The following KCNQ1 variants were observed in gnomAD, a reference collection of about 807,000 sequenced individuals.
KCNQ1 encodes potassium voltage-gated channel subfamily KQT member 1.
A neutral mutation model predicts 72.4 loss-of-function variants in KCNQ1; 49 were observed. That is an observed-to-expected ratio of 0.68 (90% CI 0.54 to 0.86). KCNQ1 has a LOEUF of 0.86. Ranked by LOEUF, KCNQ1 falls within the 40% of genes least tolerant of loss-of-function variation. The pLI is 0.00. For synonymous variants in KCNQ1, 450 were observed against 412.6 expected (o/e 1.09, Z -1.10); for missense variants, 790 against 945.1 (o/e 0.84, Z 2.15).
chr11:2,777,081 C>T, intron 14 of KCNQ1, 49 bp downstream of exon 14: 4 of 1,561,862 alleles, frequency 2.6e-6, no homozygotes, highest in Non-Finnish European at 3.5e-6. Flanking sequence ...GCAATGGACT[C>T]TCCCGCACCT....
At chr11:2,699,527 GCTGAGGAGGCC>G (rs1850741070) in intron 11 of KCNQ1, 1 of 335,504 alleles carries the variant, frequency 3.0e-6, no homozygotes, top group East Asian at 5.2e-5. Context: ...AGAGTGCCGC[GCTGAGGAGGCC>G]CAGGGAGGAC....
At position 2,670,300 on chromosome 11, in the gene KCNQ1, A is replaced by G. The variant is rs966413640; in HGVS notation, c.1514+8219A>G. ...TCTCTAGGCAACCCATAGGTGCCCA[A>G]TGGAGAGATAATCTCAAATATGGTA... is the stretch of plus-strand genomic sequence containing the variant. On this transcript the variant is annotated intron_variant, in intron 11 of 15. Transcript: ENST00000155840. The surrounding 1 kb of genome is among the most constrained non-coding windows in gnomAD (Gnocchi z 4.9). 1.6e-4 allele frequency: 64 copies of G among 398,610 alleles called. No homozygotes were observed. The highest frequency in any genetic ancestry group is 9.4e-4 in the African/African-American group (46 of 48,742). 24.7% of individuals were successfully genotyped at this position (398,610 alleles called of 1,614,324 possible). A position where few individuals can be genotyped will look rare whatever the true frequency, so the allele number is the denominator to read the frequency against.
At chr11:2,460,696 T>TTGTGGGGC (rs1846264878) in intron 1 of KCNQ1, among the ~76,000 whole-genome samples, 1 of 152,170 alleles carries the variant, frequency 6.6e-6, no homozygotes, top group Admixed American at 6.5e-5. Context: ...GACTCCGCTC[T>TTGTGGGGC]TGTGGGGCAG....
rs531870130 is a variant in KCNQ1 at position 2,653,898 on chromosome 11, G to A, written c.1394-8063G>A. 16 of 398,724 alleles carry A rather than the reference G, an allele frequency of 4.0e-5. No homozygotes were observed. The highest frequency in any genetic ancestry group is 3.1e-4 in the African/African-American group (15 of 48,766). The allele number at this position is 398,724 out of a possible 1,614,324, so 24.7% of individuals were successfully genotyped here. A position where few individuals can be genotyped will look rare whatever the true frequency, so the allele number is the denominator to read the frequency against. On this transcript the variant is annotated intron_variant, in intron 10 of 15. Coordinates refer to ENST00000155840, the MANE Select transcript of KCNQ1 (RefSeq NM_000218.3). This position sits in a 1 kb window ranked among gnomAD's most constrained non-coding sequence, Gnocchi z 5.3. ...GGGAAAGGAAGAGCCCCCTAAGGAAGATTTGAGAAGCTGTTCCCAGAAGCC... is the reference window on the plus strand; with the variant it reads ...GGGAAAGGAAGAGCCCCCTAAGGAAAATTTGAGAAGCTGTTCCCAGAAGCC...
intron 10 of KCNQ1, chr11:2,622,282 A>G (rs1215369678): frequency 2.5e-6 from 1 of 398,130 alleles, no homozygotes; most frequent in East Asian, 3.6e-5. Context: ...GTAATTTTCC[A>G]TTTTCTCAGT....
At position 2,445,288 on chromosome 11, in the gene KCNQ1, C is replaced by T. The variant is rs1554958062; in HGVS notation, c.190C>T (p.Pro64Ser). 1 of 1,350,792 alleles carries T rather than the reference C, an allele frequency of 7.4e-7. No homozygotes were observed. Among genetic ancestry groups the T allele is most frequent in the South Asian group, 1.9e-5 (1 of 53,712 alleles). The allele number at this position is 1,350,792 out of a possible 1,614,324, so 83.7% of individuals were successfully genotyped here. The stretch of plus-strand genomic sequence containing the variant: ...GCCCGGCGCCCCAGGTCCCGCGCCC[C>T]CTGCGTCCCCGGCCGCGCCCGCCGC... ...IAPGAPGPAP[P>S]ASPAAPAAPP... The change falls in exon 1 of 16, where the codon CCT becomes TCT. Residue 64 changes from proline (P) to serine (S), a missense_variant. Physicochemically the swap from Pro to Ser is moderately conservative, Grantham distance 74. Around this residue, in one of 5 missense-constraint regions of KCNQ1, gnomAD observed 294 missense variants for 323.3 expected, o/e 0.91. Coordinates refer to ENST00000155840, the MANE Select transcript of KCNQ1 (RefSeq NM_000218.3).
In KCNQ1 at chr11:2,659,730, C is replaced by T. The variant is rs1184845164; in HGVS notation, c.1394-2231C>T. 6 of 398,290 alleles carry T rather than the reference C, an allele frequency of 1.5e-5. No individual in the cohort carries two copies. The highest frequency in any genetic ancestry group is 8.8e-5 in the Admixed American group (2 of 22,716). The allele number at this position is 398,290 out of a possible 1,614,324, so 24.7% of individuals were successfully genotyped here. On this transcript the variant is annotated intron_variant, in intron 10 of 15. Coordinates refer to ENST00000155840, the MANE Select transcript of KCNQ1 (RefSeq NM_000218.3). The surrounding 1 kb of genome is among the most constrained non-coding windows in gnomAD (Gnocchi z 4.3). ...TTCCCACCAGTAACATATGAGAGTTCTACATGTTCCACATCCTCAAGAGTG... is the reference window on the plus strand; with the variant it reads ...TTCCCACCAGTAACATATGAGAGTTTTACATGTTCCACATCCTCAAGAGTG...
intron 10 of KCNQ1, chr11:2,648,047 C>G (rs988857482): frequency 5.2e-6 from 2 of 385,172 alleles, no homozygotes; most frequent in Non-Finnish European, 4.5e-6. Context: ...ACCCCCATCT[C>G]TACCAAAAAA....
At chr11:2,584,201 T>C (rs951236811) in intron 7 of KCNQ1, among the ~76,000 whole-genome samples, 2 of 152,358 alleles carry the variant, frequency 1.3e-5, no homozygotes, top group African/African-American at 4.8e-5. Flanking sequence ...GCATTATACA[T>C]GTATATCAGT....
At position 2,446,682 on chromosome 11, in the gene KCNQ1, G is replaced by T. The variant is rs1220395037; in HGVS notation, c.386+1198G>T. ...GAGGTGGCCTTCCACATCAGGAAGGGGAAGTCTTACCCACCTCCCTCCTCA... is the reference window on the plus strand; with the variant it reads ...GAGGTGGCCTTCCACATCAGGAAGGTGAAGTCTTACCCACCTCCCTCCTCA... On this transcript the variant is annotated intron_variant, in intron 1 of 15. Coordinates refer to ENST00000155840, the MANE Select transcript of KCNQ1 (RefSeq NM_000218.3). The surrounding 1 kb of genome is among the most constrained non-coding windows in gnomAD (Gnocchi z 8.8). 6.6e-6 allele frequency among the ~76,000 whole-genome samples: 1 copy of T among 152,204 alleles called. No homozygotes were observed. Among genetic ancestry groups the T allele is most frequent in the Non-Finnish European group, 1.5e-5 (1 of 68,032 alleles).
chr11:2,721,177 G>A (rs1026774013), intron 11 of KCNQ1, among the ~76,000 whole-genome samples: 16 of 152,178 alleles, frequency 1.1e-4, no homozygotes, highest in Admixed American at 9.8e-4. Flanking sequence ...CCAACTCCAG[G>A]GAGACAACTC....
At chr11:2,846,349 G>GC (rs892770195) in intron 15 of KCNQ1, among the ~76,000 whole-genome samples, 1 of 152,164 alleles carries the variant, frequency 6.6e-6, no homozygotes, top group African/African-American at 2.4e-5. Flanking sequence ...TGATCTGTTT[G>GC]CCCCTCCCCC....
Position 2,710,904 on chromosome 11 carries a change from A to G in KCNQ1, c.1514+48823A>G, listed in dbSNP as rs1181786762. Among the ~76,000 whole-genome samples, 1 of 152,188 alleles carries G rather than the reference A, an allele frequency of 6.6e-6. No individual in the cohort carries two copies. The highest frequency in any genetic ancestry group is 1.5e-5 in the Non-Finnish European group (1 of 68,046). On this transcript the variant is annotated intron_variant, in intron 11 of 15. Transcript: ENST00000155840. This position sits in a 1 kb window ranked among gnomAD's most constrained non-coding sequence, Gnocchi z 4.1. ...GCTTTGTAGTGAGTTTTAAAATTGG[A>G]AAGTGGGTTTTCCAACTTTGTTTTT...
chr11:2,777,745 G>A (rs1846735905), intron 14 of KCNQ1: 1 of 616,182 alleles, frequency 1.6e-6, no homozygotes, highest in African/African-American at 1.8e-5. Context: ...GGTCAGAGGT[G>A]GAGAGCGTGG....
intron 11 of KCNQ1, chr11:2,675,630 T>G (rs1299476420): frequency 5.0e-6 from 2 of 398,510 alleles, no homozygotes; most frequent in Non-Finnish European, 8.8e-6. Context: ...CACCCCTTAT[T>G]AGAGGGTGGT....
At chr11:2,733,814 A>ACACACACACACACACACACACCCT in intron 11 of KCNQ1, among the ~76,000 whole-genome samples, 1 of 86,614 alleles carries the variant, frequency 1.2e-5, no homozygotes, top group Non-Finnish European at 2.4e-5. Context: ...ACACACACAC[A>ACACACACACACACACACACACCCT]CTCTCTCACT....
At chr11:2,802,461 T>C (rs889427682) in intron 15 of KCNQ1, among the ~76,000 whole-genome samples, 1 of 152,094 alleles carries the variant, frequency 6.6e-6, no homozygotes, top group Non-Finnish European at 1.5e-5. Context: ...GCCTGCCCAA[T>C]GTCTATTAAT....
Position 2,480,050 on chromosome 11 carries a change from A to G in KCNQ1, c.386+34566A>G, listed in dbSNP as rs573137680. ...ACTTCCCAAAAAGTTTCTCATCTCC[A>G]TCTGAGACCACCTCAGCCTGGATTT... On this transcript the variant is annotated intron_variant, in intron 1 of 15. Transcript: ENST00000155840. Among the ~76,000 whole-genome samples, 336 of 152,280 alleles carry G rather than the reference A, an allele frequency of 2.2e-3. 4 individuals carry two copies. The highest frequency in any genetic ancestry group is 7.8e-3 in the African/African-American group (325 of 41,554).
At chr11:2,791,150 A>G (rs1847013888) in intron 15 of KCNQ1, among the ~76,000 whole-genome samples, 1 of 152,256 alleles carries the variant, frequency 6.6e-6, no homozygotes, top group Admixed American at 6.5e-5. Flanking sequence ...CTGTGAGTGC[A>G]ACTGCTTCAG....
Sources: gnomAD v4.1 joint callset for allele counts (sites outside exome capture counted in the v4.1 genomes callset) on GRCh38, gnomAD v4.1.1 for gene constraint, gnomAD v4.1.1 regional missense constraint, Gnocchi (gnomAD v3.1) non-coding constraint, MANE v1.5 for transcripts, NCBI Gene and HGNC (gene_info 2026-07-23, HGNC 2026-07-21) for gene names.